POLR2E: variants seen among roughly 807,000 people sequenced by gnomAD.
POLR2E encodes the protein DNA-directed RNA polymerases I, II, and III subunit RPABC1.
In POLR2E, 35 loss-of-function variants were observed where a neutral mutation model predicts 29.8. The observed-to-expected ratio is 1.17, with a 90% CI of 0.90 to 1.55. The LOEUF (loss-of-function observed/expected upper bound fraction) is 1.55, where lower values mean the gene tolerates loss of function less well. Among genes scored for constraint, POLR2E ranks in the 40% most tolerant of loss-of-function variants. The probability of loss-of-function intolerance (pLI) is 0.00; values close to 1 mark genes in which losing one functional copy is unlikely to be tolerated. For synonymous variants in POLR2E, 174 were observed against 112.6 expected (o/e 1.55, Z -3.45); for missense variants, 287 against 288.6 (o/e 0.99, Z 0.04).
intron 7 of POLR2E, among the ~76,000 whole-genome samples, 162 bp from the exon 8 acceptor site, chr19:1,088,882 G>C (rs1052196419): frequency 2.0e-5 from 3 of 150,988 alleles, no homozygotes; most frequent in Admixed American, 2.0e-4. Context: ...GGTCACACAG[G>C]CGTGGGCAGT....
intron 4 of POLR2E, among the ~76,000 whole-genome samples, chr19:1,090,631 G>A (rs919540034): frequency 2.6e-5 from 4 of 151,956 alleles, no homozygotes; most frequent in Non-Finnish European, 5.9e-5. Flanking sequence ...TGTTAGCCAG[G>A]ATGGTCTGGA....
intron 3 of POLR2E, chr19:1,091,360 G>A (rs769931563): frequency 6.2e-5 from 23 of 368,412 alleles, no homozygotes; most frequent in Middle Eastern, 7.9e-4. Flanking sequence ...CTGACTGCCC[G>A]TCACAGCACA....
intron 5 of POLR2E, 22 bp downstream of exon 5, chr19:1,090,065 C>T: frequency 1.2e-6 from 2 of 1,608,388 alleles, no homozygotes; most frequent in Non-Finnish European, 8.5e-7. Context: ...AGGGGCGGGG[C>T]CGGTGGGGCT....
chr19:1,090,654 G>A (rs1041526090), intron 4 of POLR2E, among the ~76,000 whole-genome samples: 15 of 151,822 alleles, frequency 9.9e-5, no homozygotes, highest in South Asian at 6.2e-4. Context: ...TCCTGACCTC[G>A]TGATCCGCCC....
Position 1,089,453 on chromosome 19 carries a change from T to C in POLR2E, c.*14+19A>G. The C allele has an allele frequency of 7.0e-6, 11 of 1,566,602 alleles. No homozygotes were observed. Among genetic ancestry groups the C allele is most frequent in the Non-Finnish European group, 9.7e-6 (11 of 1,137,670 alleles). ...CTGCCTCTGACCCCACCTCAGTGCCTGTCCCTCGGCCGTCTCACCTGTCAG... is the reference window on the plus strand; with the variant it reads ...CTGCCTCTGACCCCACCTCAGTGCCCGTCCCTCGGCCGTCTCACCTGTCAG... On this transcript the variant is annotated intron_variant, in intron 7 of 7. Coordinates refer to ENST00000615234, the MANE Select transcript of POLR2E (RefSeq NM_002695.5).
rs937576492 is a variant in POLR2E, at chr19:1,091,840, T to C, written c.300A>G (p.Thr100=). 1 of 1,613,076 alleles carries C rather than the reference T, an allele frequency of 6.2e-7. No homozygotes were observed. Among genetic ancestry groups the C allele is most frequent in the Non-Finnish European group, 8.5e-7 (1 of 1,179,796 alleles). The change falls in exon 3 of 8, where the codon ACA becomes ACG. Residue 100 remains threonine, a synonymous_variant. Coordinates refer to ENST00000615234, the MANE Select transcript of POLR2E (RefSeq NM_002695.5). ...CCTGCTGCACCACGATGAGAGCCCG[T>C]GTGATGTTCTCCTCCTGCATGCGCT... ...YCQRMQEENI[T]RALIVVQQGM...
chr19:1,090,010 AG>A (rs2043794068), intron 5 of POLR2E, 48 bp from the exon 6 acceptor site: 3 of 882,230 alleles, frequency 3.4e-6, no homozygotes, highest in Non-Finnish European at 5.1e-6. Flanking sequence ...TTGGGGGGGC[AG>A]GGGTGTGTGT....
rs2043781699 is a variant in POLR2E at position 1,089,474 on chromosome 19, G to A, written c.*12C>T. ...TGCCTGTCCCTCGGCCGTCTCACCT[G>A]TCAGGCGGTAGCTACTGCACCAGCC... On this transcript the variant is annotated splice_region_variant and 3_prime_UTR_variant, in exon 7 of 8. Transcript: ENST00000615234. 2 of 1,610,006 alleles carry A rather than the reference G, an allele frequency of 1.2e-6. No individual in the cohort carries two copies. The highest frequency in any genetic ancestry group is 1.7e-6 in the Non-Finnish European group (2 of 1,176,770).
Position 1,087,766 on chromosome 19 carries a change from G to A in POLR2E, c.*969C>T, listed in dbSNP as rs1176532892. The A allele has an allele frequency of 3.9e-5, 6 of 152,272 alleles. No homozygotes were observed. Among genetic ancestry groups the A allele is most frequent in the Admixed American group, 1.3e-4 (2 of 15,264 alleles). The allele number at this position is 152,272 out of a possible 1,614,324, so 9.4% of individuals were successfully genotyped here. On this transcript the variant is annotated 3_prime_UTR_variant, in exon 8 of 8. Transcript: ENST00000615234. ...TGGGGACCCTGCTGCACAGAACAGT[G>A]GGCGCGTTACAGACCACCGACCGCC...
chr19:1,091,517 G>A (rs2043829567), intron 3 of POLR2E: 6 of 497,676 alleles, frequency 1.2e-5, no homozygotes, highest in Non-Finnish European at 2.2e-5. Flanking sequence ...ACCAGGCCGA[G>A]GGCTGGAGCC....
chr19:1,091,136 C>G (rs2043819991), intron 3 of POLR2E, 148 bp from the exon 4 acceptor site: 1 of 616,284 alleles, frequency 1.6e-6, no homozygotes, highest in Non-Finnish European at 2.8e-6. Context: ...AGCCCAGGAG[C>G]CTTCAACAGC....
In POLR2E at chr19:1,091,862, C is replaced by T. The variant is rs1406642489; in HGVS notation, c.278G>A (p.Arg93His). The T allele has an allele frequency of 3.1e-6, 5 of 1,613,248 alleles. No individual in the cohort carries two copies. The highest frequency in any genetic ancestry group is 1.1e-5 in the South Asian group (1 of 91,084). The change falls in exon 3 of 8, where the codon CGC (arginine) becomes CAC (histidine). Residue 93 changes from arginine to histidine, a missense_variant. By Grantham distance (29) the Arg-to-His change is conservative. Coordinates refer to ENST00000615234, the MANE Select transcript of POLR2E (RefSeq NM_002695.5). ...CCGTGTGATGTTCTCCTCCTGCATG[C>T]GCTGGCAGTACACCTTGATGGTCTT... ...GIKTIKVYCQRMQEENITRAL... is the reference protein window; with the variant it reads ...GIKTIKVYCQHMQEENITRAL...
At chr19:1,095,108 T>C (rs2043912642) in intron 1 of POLR2E, 151 bp downstream of exon 1, 16 of 728,728 alleles carry the variant, frequency 2.2e-5, no homozygotes, top group Non-Finnish European at 2.9e-5. Flanking sequence ...CAGCGCCTGG[T>C]ATCCCCGGCG....
At chr19:1,090,039 G>T in intron 5 of POLR2E, 48 bp downstream of exon 5, 1 of 1,558,992 alleles carries the variant, frequency 6.4e-7, no homozygotes, top group Non-Finnish European at 8.8e-7. Context: ...GAACGCGGAA[G>T]TCTCGAGGGA....
At position 1,091,013 on chromosome 19, in the gene POLR2E, C is replaced by T. The variant is rs557952897; in HGVS notation, c.349-25G>A. The T allele has an allele frequency of 1.6e-5, 26 of 1,607,820 alleles. No individual in the cohort carries two copies. In the South Asian group the frequency reaches 1.6e-4, roughly 10 times the overall value. On this transcript the variant is annotated intron_variant, in intron 3 of 7. Coordinates refer to ENST00000615234, the MANE Select transcript of POLR2E (RefSeq NM_002695.5). Reference sequence around the variant, plus strand: ...ACTGGAAGAGAGCGGCTCTAAGGCACGGCCCGGAGGGGCCCAGACAACCCC... The same window carrying T: ...ACTGGAAGAGAGCGGCTCTAAGGCATGGCCCGGAGGGGCCCAGACAACCCC...
At chr19:1,091,457 C>G (rs1411448979) in intron 3 of POLR2E, 4 of 389,064 alleles carry the variant, frequency 1.0e-5, no homozygotes, top group African/African-American at 8.3e-5. Flanking sequence ...CTCTGCAAGT[C>G]CCCCTGGACA....
chr19:1,095,344 AC>A lies in POLR2E; in HGVS notation c.-30del. 1 of 1,611,540 alleles carries A rather than the reference AC, an allele frequency of 6.2e-7. No homozygotes were observed. The highest frequency in any genetic ancestry group is 8.5e-7 in the Non-Finnish European group (1 of 1,179,192). ...AGCCTCCGCCGCCGCCGCCGCTCGC[AC>A]CCCTTCTCCGCGCGAGAACCCGCGC... On this transcript the variant is annotated 5_prime_UTR_variant, in exon 1 of 8. Transcript: ENST00000615234.
In POLR2E at chr19:1,086,903, C is replaced by A. The variant is rs950362559; in HGVS notation, c.*1832G>T. 2.6e-5 allele frequency: 4 copies of A among 152,176 alleles called. No homozygotes were observed. Among genetic ancestry groups the A allele is most frequent in the African/African-American group, 9.7e-5 (4 of 41,432 alleles). 9.4% of individuals were successfully genotyped at this position (152,176 alleles called of 1,614,324 possible). A position where few individuals can be genotyped will look rare whatever the true frequency, so the allele number is the denominator to read the frequency against. On this transcript the variant is annotated 3_prime_UTR_variant, in exon 8 of 8. Transcript: ENST00000615234. ...CAGTCCAGGAAAACGTTCTCGATGA[C>A]GGACGTATCCCCCGGCTCTAAGGTT...
rs551986177 is a variant in POLR2E at position 1,089,439 on chromosome 19, CCCA to C, written c.*14+30_*14+32del. On this transcript the variant is annotated intron_variant, in intron 7 of 7. Coordinates refer to ENST00000615234, the MANE Select transcript of POLR2E (RefSeq NM_002695.5). ...AGGGGACGACACCCCTGCCTCTGAC[CCCA>C]CCTCAGTGCCTGTCCCTCGGCCGTC... The C allele has an allele frequency of 3.0e-4, 445 of 1,463,134 alleles. 2 individuals are homozygous for C. In the African/African-American group the frequency reaches 5.5e-3, roughly 18 times the overall value. The allele number at this position is 1,463,134 out of a possible 1,614,324, so 90.6% of individuals were successfully genotyped here.
Sources: allele counts gnomAD v4.1 joint callset (sites outside exome capture counted in the v4.1 genomes callset), GRCh38; gene constraint gnomAD v4.1.1; transcripts MANE v1.5; gene names NCBI Gene and HGNC (gene_info 2026-07-23, HGNC 2026-07-21).